The following PTGER3 variants were observed in gnomAD, a reference collection of about 807,000 sequenced individuals.
The protein encoded by PTGER3 is prostaglandin E2 receptor EP3 subtype.
In PTGER3, 22 loss-of-function variants were observed where a neutral mutation model predicts 34.7. The observed-to-expected ratio is 0.63, with a 90% CI of 0.45 to 0.91. The LOEUF is 0.91. Ranked by LOEUF, PTGER3 falls within the 40% of genes least tolerant of loss-of-function variation. PTGER3 has a pLI of 0.00. For missense variants in PTGER3, 468 were observed against 519.4 expected, an observed-to-expected ratio of 0.90 and a Z score of 0.96; for synonymous variants, 241 against 230.1, an observed-to-expected ratio of 1.05 and a Z score of -0.43.
At position 70,915,918 on chromosome 1, in the gene PTGER3, A is replaced by G. The variant is rs186886820; in HGVS notation, c.*23+37845T>C. Among the ~76,000 whole-genome samples the G allele has an allele frequency of 2.6e-3, 393 of 152,178 alleles. 4 individuals are homozygous for G. The highest frequency in any genetic ancestry group is 9.2e-3 in the African/African-American group (382 of 41,566). On this transcript the variant is annotated intron_variant, in intron 4 of 4. Transcript: ENST00000370931. ...CCTAATTAAACTAAAGTTTCTATGC[A>G]GCAAAACAAACTATCAACTGAGTAA...
intron 4 of PTGER3, among the ~76,000 whole-genome samples, chr1:70,909,175 T>C (rs1045901495): frequency 6.6e-6 from 1 of 152,170 alleles, no homozygotes; most frequent in Non-Finnish European, 1.5e-5. Context: ...TGTACTAATA[T>C]AGAAAGAAGT....
At chr1:70,860,968 G>A (rs1208258276) in intron 4 of PTGER3, among the ~76,000 whole-genome samples, 1 of 152,168 alleles carries the variant, frequency 6.6e-6, no homozygotes, top group East Asian at 1.9e-4. Flanking sequence ...ATACTATAAT[G>A]GAGTAAGGAC....
At chr1:70,902,513 G>A (rs1412344161) in intron 4 of PTGER3, among the ~76,000 whole-genome samples, 1 of 152,194 alleles carries the variant, frequency 6.6e-6, no homozygotes, top group Non-Finnish European at 1.5e-5. Context: ...AACAGTAAAG[G>A]TCACACTGTG....
intron 4 of PTGER3, among the ~76,000 whole-genome samples, chr1:70,903,522 G>A (rs1048993923): frequency 2.6e-5 from 4 of 152,130 alleles, no homozygotes; most frequent in Non-Finnish European, 5.9e-5. Flanking sequence ...AGGAAACTGG[G>A]CTTCAAAGAA....
intron 2 of PTGER3, chr1:71,006,663 CA>C: frequency 1.0e-6 from 1 of 982,518 alleles, no homozygotes; most frequent in Non-Finnish European, 1.2e-6. Context: ...ATTAAATCAA[CA>C]ATAATTTGTT....
At chr1:71,039,514 G>A (rs1220555956) in intron 1 of PTGER3, among the ~76,000 whole-genome samples, 1 of 151,716 alleles carries the variant, frequency 6.6e-6, no homozygotes, top group Non-Finnish European at 1.5e-5. Context: ...GCCGGGTGTG[G>A]TGGTGGGCGC....
At position 71,046,109 on chromosome 1, in the gene PTGER3, G is replaced by C. The variant is rs1336299457; in HGVS notation, c.897+572C>G. Among the ~76,000 whole-genome samples, 10 of 150,690 alleles carry C rather than the reference G, an allele frequency of 6.6e-5. No homozygotes were observed. In the East Asian group the frequency reaches 2.0e-3, roughly 29 times the overall value. ...GAGATCGAGACCACGGTGAAACCCC[G>C]TCTCTACTAAAAATAAAAAAAAAAA... On this transcript the variant is annotated intron_variant, in intron 1 of 3. Transcript: ENST00000306666.
At chr1:70,925,245 T>TC (rs1173581143) in intron 4 of PTGER3, among the ~76,000 whole-genome samples, 1 of 152,206 alleles carries the variant, frequency 6.6e-6, no homozygotes, top group Non-Finnish European at 1.5e-5. Context: ...CCTCAGTTGA[T>TC]CCACCTGCCT....
chr1:70,905,540 G>C (rs149297678), intron 4 of PTGER3, among the ~76,000 whole-genome samples: 1 of 152,178 alleles, frequency 6.6e-6, no homozygotes, highest in African/African-American at 2.4e-5. Context: ...GAGACATGGA[G>C]TCAAAGGATA....
downstream of PTGER3, among the ~76,000 whole-genome samples, chr1:70,966,414 A>T (rs1652520456): frequency 6.6e-6 from 1 of 152,202 alleles, no homozygotes; most frequent in Admixed American, 6.5e-5. Flanking sequence ...TTAAAAAATG[A>T]ATATAAAAAA....
At chr1:71,003,996 A>T (rs1656718942) in intron 2 of PTGER3, among the ~76,000 whole-genome samples, 2 of 152,238 alleles carry the variant, frequency 1.3e-5, no homozygotes, top group Non-Finnish European at 2.9e-5. Context: ...AGGGTCGTTG[A>T]TCCTAAAATA....
chr1:70,962,472 T>C (rs1652035010), intron 2 of PTGER3, among the ~76,000 whole-genome samples: 1 of 151,760 alleles, frequency 6.6e-6, no homozygotes, highest in African/African-American at 2.4e-5. Context: ...TACCTGAGAC[T>C]GGGCAATCTA....
chr1:70,973,638 A>G (rs1653374526), intron 3 of PTGER3, among the ~76,000 whole-genome samples: 1 of 152,216 alleles, frequency 6.6e-6, no homozygotes, highest in Admixed American at 6.5e-5. Context: ...AACTCATTTG[A>G]TAAGTCAACT....
chr1:70,968,262 C>T (rs1652734783), downstream of PTGER3, among the ~76,000 whole-genome samples: 1 of 152,158 alleles, frequency 6.6e-6, no homozygotes, highest in Non-Finnish European at 1.5e-5. Flanking sequence ...ATAGTCAGGA[C>T]TCATGTCCAT....
chr1:70,993,512 G>T (rs1474568074), intron 2 of PTGER3, among the ~76,000 whole-genome samples: 1 of 152,138 alleles, frequency 6.6e-6, no homozygotes, highest in African/African-American at 2.4e-5. Flanking sequence ...ACCATGTTAG[G>T]CTCTCCTTTT....
chr1:71,008,222 C>A, intron 2 of PTGER3: 1 of 942,838 alleles, frequency 1.1e-6, no homozygotes, highest in South Asian at 4.9e-5. Context: ...ATCTGGGTTG[C>A]TTATTACATG....
At chr1:71,004,189 GT>G (rs1656735622) in intron 2 of PTGER3, among the ~76,000 whole-genome samples, 1 of 152,272 alleles carries the variant, frequency 6.6e-6, no homozygotes, top group South Asian at 2.1e-4. Flanking sequence ...ATTATCCATA[GT>G]CTTTTGTAAC....
chr1:70,905,598 G>A (rs1311681264), intron 4 of PTGER3, among the ~76,000 whole-genome samples: 1 of 152,140 alleles, frequency 6.6e-6, no homozygotes, highest in Non-Finnish European at 1.5e-5. Flanking sequence ...TTTCGGACTT[G>A]TATGGGGCCT....
At chr1:70,954,208 T>C (rs1651076985) in intron 2 of PTGER3, among the ~76,000 whole-genome samples, 1 of 152,004 alleles carries the variant, frequency 6.6e-6, no homozygotes, top group Non-Finnish European at 1.5e-5. Context: ...AGGCCTTAGG[T>C]GGAAAAGGGC....
Sources: allele counts gnomAD v4.1 joint callset (sites outside exome capture counted in the v4.1 genomes callset), GRCh38; gene constraint gnomAD v4.1.1; transcripts MANE v1.5; gene names NCBI Gene and HGNC (gene_info 2026-07-23, HGNC 2026-07-21).